CARMIL1: variants seen among roughly 807,000 people sequenced by gnomAD.
The protein encoded by CARMIL1 is F-actin-uncapping protein LRRC16A.
A neutral mutation model predicts 177.1 loss-of-function variants in CARMIL1; 90 were observed. That is an observed-to-expected ratio of 0.51 (90% CI 0.43 to 0.61). CARMIL1 has a LOEUF of 0.61. CARMIL1 is among the 20% of genes least tolerant of loss of function. The pLI is 0.00. For missense variants in CARMIL1, 1,380 were observed against 1,667.0 expected (o/e 0.83, Z 3.00); for synonymous variants, 577 against 606.2 (o/e 0.95, Z 0.71).
intron 2 of CARMIL1, among the ~76,000 whole-genome samples, chr6:25,365,770 C>T (rs1789722110): frequency 6.6e-6 from 1 of 151,978 alleles, no homozygotes; most frequent in Non-Finnish European, 1.5e-5. Context: ...AGGATGGCCT[C>T]GAACTCTTGA....
Position 25,515,006 on chromosome 6 carries a change from G to A in CARMIL1, c.1633-669G>A, listed in dbSNP as rs301383. On this transcript the variant is annotated intron_variant, in intron 20 of 36. Coordinates refer to ENST00000329474, the MANE Select transcript of CARMIL1 (RefSeq NM_017640.6). This position sits in a 1 kb window ranked among gnomAD's most constrained non-coding sequence, Gnocchi z 5.0. ...TAAGCTAATAGGGAGATGTGGTATA[G>A]GGTTAGGAGCATGAAATCTGGAACC... 0.44 allele frequency among the ~76,000 whole-genome samples: 66,336 copies of A among 151,884 alleles called. 14,882 individuals are homozygous for A. The highest frequency in any genetic ancestry group is 0.52 in the Middle Eastern group (152 of 294).
chr6:25,395,555 C>T (rs187432170), intron 2 of CARMIL1, among the ~76,000 whole-genome samples: 9 of 152,160 alleles, frequency 5.9e-5, no homozygotes, highest in East Asian at 5.8e-4. Context: ...AGATAATGAC[C>T]GTTTTGTTTT....
At chr6:25,373,177 T>C (rs1231297067) in intron 2 of CARMIL1, among the ~76,000 whole-genome samples, 1 of 152,146 alleles carries the variant, frequency 6.6e-6, no homozygotes, top group Non-Finnish European at 1.5e-5. Context: ...TTTTACATCT[T>C]TGTTGATTCA....
intron 3 of CARMIL1, among the ~76,000 whole-genome samples, chr6:25,425,622 C>G (rs574736658): frequency 6.6e-6 from 1 of 151,770 alleles, no homozygotes; most frequent in Non-Finnish European, 1.5e-5. Flanking sequence ...GGGGAAAATC[C>G]GGGAAGAAAG....
intron 29 of CARMIL1, among the ~76,000 whole-genome samples, chr6:25,573,377 A>T (rs1378216197): frequency 6.6e-6 from 1 of 151,070 alleles, no homozygotes; most frequent in East Asian, 1.9e-4. Context: ...GCCATTAGAT[A>T]AAAAGAATTC....
intron 2 of CARMIL1, chr6:25,393,452 A>G (rs1793072735): frequency 6.6e-6 from 1 of 151,856 alleles, no homozygotes; most frequent in African/African-American, 2.4e-5. Context: ...GCTACTTGGG[A>G]GGCTGAGGCA....
intron 2 of CARMIL1, among the ~76,000 whole-genome samples, chr6:25,306,193 G>C (rs1007490681): frequency 2.0e-5 from 3 of 151,918 alleles, no homozygotes; most frequent in Non-Finnish European, 4.4e-5. Context: ...ATAATACGTG[G>C]CCTTTTGTGT....
chr6:25,349,373 T>A (rs1787871140), intron 2 of CARMIL1, among the ~76,000 whole-genome samples: 1 of 152,206 alleles, frequency 6.6e-6, no homozygotes, highest in African/African-American at 2.4e-5. Context: ...TTCTTTTTCT[T>A]CTCATCAGTG....
intron 24 of CARMIL1, among the ~76,000 whole-genome samples, chr6:25,535,555 T>G (rs1279282968): frequency 6.6e-6 from 1 of 152,158 alleles, no homozygotes; most frequent in African/African-American, 2.4e-5. Flanking sequence ...TTTTCTGTAT[T>G]GCTTTAGAGA....
chr6:25,340,777 G>GTTTTTTTTTTTT lies in CARMIL1; in HGVS notation c.138+55884_138+55895dup, dbSNP rs34928775. ...AAGCTGGAGAAGGCTGTCAATGAAG[G>GTTTTTTTTTTTT]TTTTTTTTTTTTTTTTTTTTTTTTT... On this transcript the variant is annotated intron_variant, in intron 2 of 36. Transcript: ENST00000329474. 4.0e-3 allele frequency among the ~76,000 whole-genome samples: 344 copies of GTTTTTTTTTTTT among 86,134 alleles called. 29 individuals carry two copies. Among genetic ancestry groups the GTTTTTTTTTTTT allele is most frequent in the Non-Finnish European group, 4.9e-3 (213 of 43,716 alleles). The allele number at this position is 86,134 out of a possible 152,430, so 56.5% of individuals were successfully genotyped here.
At chr6:25,321,507 A>C (rs1457191485) in intron 2 of CARMIL1, among the ~76,000 whole-genome samples, 1 of 152,206 alleles carries the variant, frequency 6.6e-6, no homozygotes, top group Non-Finnish European at 1.5e-5. Context: ...AGCCTCTGAT[A>C]CTTTACACAA....
At chr6:25,310,393 C>T (rs4712906) in intron 2 of CARMIL1, among the ~76,000 whole-genome samples, 31,650 of 152,156 alleles carry the variant, frequency 0.21, 4,239 homozygotes, top group East Asian at 0.4. Context: ...TGCAGCTGAT[C>T]ACCCATTAGT....
chr6:25,589,132 G>C (rs1389382820), intron 31 of CARMIL1, among the ~76,000 whole-genome samples: 1 of 152,156 alleles, frequency 6.6e-6, no homozygotes, highest in Non-Finnish European at 1.5e-5. Context: ...TCCCTACACA[G>C]CCATTGATTG....
chr6:25,327,335 A>G (rs1054752567), intron 2 of CARMIL1, among the ~76,000 whole-genome samples: 1 of 152,134 alleles, frequency 6.6e-6, no homozygotes, highest in Non-Finnish European at 1.5e-5. Flanking sequence ...TCAGGAACAG[A>G]GTGATCAACT....
At chr6:25,498,333 CA>C (rs1360276373) in intron 16 of CARMIL1, among the ~76,000 whole-genome samples, 57 of 152,180 alleles carry the variant, frequency 3.7e-4, no homozygotes, top group Non-Finnish European at 1.5e-5. Context: ...ATTTTGCCAT[CA>C]TTAGGTTAAA....
chr6:25,323,449 A>C (rs1037221425), intron 2 of CARMIL1, among the ~76,000 whole-genome samples: 3 of 148,164 alleles, frequency 2.0e-5, no homozygotes, highest in East Asian at 2.0e-4. Context: ...AAGGCAAAAA[A>C]CCCCCCAGAA....
chr6:25,371,158 A>G (rs1790389902), intron 2 of CARMIL1, among the ~76,000 whole-genome samples: 1 of 152,282 alleles, frequency 6.6e-6, no homozygotes, highest in African/African-American at 2.4e-5. Context: ...TTATCCATTC[A>G]TCAGTTGATG....
chr6:25,424,915 T>G (rs753733739), intron 3 of CARMIL1, among the ~76,000 whole-genome samples: 1 of 152,164 alleles, frequency 6.6e-6, no homozygotes, highest in Non-Finnish European at 1.5e-5. Flanking sequence ...GGCCAGCCAG[T>G]GGGCTTAACT....
chr6:25,600,551 T>C lies in CARMIL1; in HGVS notation c.3357T>C (p.Asn1119=), dbSNP rs761676018. ...CAAAGGCCGCCGAGCACAATGGCAATTCTGAACGGATAGAGGAGATAAAAA... is the reference window on the plus strand; with the variant it reads ...CAAAGGCCGCCGAGCACAATGGCAACTCTGAACGGATAGAGGAGATAAAAA... ...KDTKAAEHNG[N]SERIEEIKTP... The change falls in exon 33 of 37, where the codon AAT becomes AAC. Residue 1119 remains asparagine (N), a synonymous_variant. Transcript: ENST00000329474. 37 of 1,613,832 alleles carry C rather than the reference T, an allele frequency of 2.3e-5. No individual in the cohort carries two copies. The highest frequency in any genetic ancestry group is 2.9e-5 in the Non-Finnish European group (34 of 1,179,884).
Sources: gnomAD v4.1 joint callset for allele counts (sites outside exome capture counted in the v4.1 genomes callset) on GRCh38, gnomAD v4.1.1 for gene constraint, Gnocchi (gnomAD v3.1) non-coding constraint, MANE v1.5 for transcripts, NCBI Gene and HGNC (gene_info 2026-07-23, HGNC 2026-07-21) for gene names.